CSTPP1: variants seen among roughly 807,000 people sequenced by gnomAD.
The protein encoded by CSTPP1 is UPF0705 protein C11orf49.
the CSTPP1 span, among the ~76,000 whole-genome samples, chr11:47,114,356 TTAAAG>T: frequency 6.6e-6 from 1 of 152,248 alleles, no homozygotes; most frequent in African/African-American, 2.4e-5. Flanking sequence ...CATATGAACT[TTAAAG>T]TAATTTTTTC....
the CSTPP1 span, among the ~76,000 whole-genome samples, chr11:47,067,526 A>G: frequency 6.6e-6 from 1 of 152,186 alleles, no homozygotes; most frequent in African/African-American, 2.4e-5. Context: ...GCTTCATCAG[A>G]TAGGAAGGAT....
At chr11:47,113,493 A>G in the CSTPP1 span, among the ~76,000 whole-genome samples, 5 of 152,022 alleles carry the variant, frequency 3.3e-5, no homozygotes, top group Non-Finnish European at 7.4e-5. Flanking sequence ...CTATTCCTCC[A>G]CCTCCTCTCC....
At chr11:47,107,121 A>T in the CSTPP1 span, among the ~76,000 whole-genome samples, 1 of 152,206 alleles carries the variant, frequency 6.6e-6, no homozygotes, top group Admixed American at 6.5e-5. Context: ...GATGGTGTGC[A>T]GTCGGGATGT....
chr11:46,978,221 A>G, the CSTPP1 span, among the ~76,000 whole-genome samples: 1 of 152,252 alleles, frequency 6.6e-6, no homozygotes, highest in African/African-American at 2.4e-5. Flanking sequence ...TAACATACGC[A>G]TAACAGAAAT....
the CSTPP1 span, among the ~76,000 whole-genome samples, chr11:46,967,187 C>T: frequency 2.0e-5 from 3 of 152,014 alleles, no homozygotes; most frequent in African/African-American, 7.3e-5. Context: ...ATAGTTTTAG[C>T]TCTTACATTT....
At chr11:46,987,426 T>C in the CSTPP1 span, 1 of 892,392 alleles carries the variant, frequency 1.1e-6, no homozygotes, top group African/African-American at 1.6e-5. Flanking sequence ...AGTGAATGTT[T>C]AGTTTTGGTA....
At chr11:47,130,722 G>A in the CSTPP1 span, 78,447 of 152,088 alleles carry the variant, frequency 0.52, 23,696 homozygotes, top group Non-Finnish European at 0.67. Flanking sequence ...CTGTGGCCTG[G>A]TAACAAAGCC....
the CSTPP1 span, among the ~76,000 whole-genome samples, chr11:47,118,784 G>A: frequency 6.6e-6 from 1 of 152,204 alleles, no homozygotes; most frequent in African/African-American, 2.4e-5. Context: ...ACCAGCGGAG[G>A]CTGCAGAACA....
At chr11:47,155,302 T>C in the CSTPP1 span, 2 of 1,523,656 alleles carry the variant, frequency 1.3e-6, no homozygotes, top group Non-Finnish European at 9.1e-7. Flanking sequence ...CACAGGACCC[T>C]GTCTCCCTGT....
the CSTPP1 span, among the ~76,000 whole-genome samples, chr11:46,974,567 A>C: frequency 1.3e-5 from 2 of 149,504 alleles, no homozygotes; most frequent in Non-Finnish European, 3.0e-5. Context: ...CAGGCCAGGC[A>C]TGGTGACTAA....
At chr11:47,115,603 G>A in the CSTPP1 span, among the ~76,000 whole-genome samples, 2 of 152,176 alleles carry the variant, frequency 1.3e-5, no homozygotes, top group African/African-American at 4.8e-5. Flanking sequence ...TTGCGTAAAT[G>A]TGTTTATAGT....
At chr11:47,064,012 A>G in the CSTPP1 span, among the ~76,000 whole-genome samples, 1 of 152,200 alleles carries the variant, frequency 6.6e-6, no homozygotes, top group Non-Finnish European at 1.5e-5. Flanking sequence ...TTTTCTGATA[A>G]TAGCCATCCT....
the CSTPP1 span, among the ~76,000 whole-genome samples, chr11:47,054,493 T>C: frequency 2.0e-5 from 3 of 151,976 alleles, no homozygotes; most frequent in African/African-American, 7.3e-5. Flanking sequence ...TAAATTTTTT[T>C]GTAGAGACGG....
At chr11:47,081,008 CAA>C in the CSTPP1 span, among the ~76,000 whole-genome samples, 45 of 79,790 alleles carry the variant, frequency 5.6e-4, no homozygotes, top group Middle Eastern at 7.1e-3. Context: ...GACCCCATCT[CAA>C]AAAAAAAAAA....
At chr11:47,118,118 T>C in the CSTPP1 span, among the ~76,000 whole-genome samples, 1 of 152,150 alleles carries the variant, frequency 6.6e-6, no homozygotes, top group African/African-American at 2.4e-5. Context: ...GACCTCGTGA[T>C]CCACCTGCCT....
chr11:47,158,460 T>C, the CSTPP1 span, among the ~76,000 whole-genome samples: 4 of 152,126 alleles, frequency 2.6e-5, no homozygotes, highest in African/African-American at 9.7e-5. Flanking sequence ...CCCACCCCAC[T>C]GTTCCTCCTC....
chr11:47,133,169 C>A, the CSTPP1 span, among the ~76,000 whole-genome samples: 1 of 152,210 alleles, frequency 6.6e-6, no homozygotes, highest in African/African-American at 2.4e-5. Flanking sequence ...CAATGCTATG[C>A]TGTGCTGCCT....
chr11:47,061,078 T>C, the CSTPP1 span, among the ~76,000 whole-genome samples: 1 of 152,216 alleles, frequency 6.6e-6, no homozygotes, highest in African/African-American at 2.4e-5. Flanking sequence ...ATCCCTCTCT[T>C]GCTTTTTTCC....
chr11:47,027,381 G>A, the CSTPP1 span, among the ~76,000 whole-genome samples: 357 of 152,232 alleles, frequency 2.3e-3, 2 homozygotes, highest in African/African-American at 8.3e-3. Context: ...GATCCAATGG[G>A]GGGAAGAGTT....
Sources: allele counts gnomAD v4.1 joint callset (sites outside exome capture counted in the v4.1 genomes callset), GRCh38; gene constraint gnomAD v4.1.1; transcripts MANE v1.5; gene names NCBI Gene and HGNC (gene_info 2026-07-23, HGNC 2026-07-21).